The following DRC4 variants were observed in gnomAD, a reference collection of about 807,000 sequenced individuals.
The protein encoded by DRC4 is dynein regulatory complex subunit 4.
chr16:90,037,858 A>G, the DRC4 span: 1 of 1,612,344 alleles, frequency 6.2e-7, no homozygotes, highest in African/African-American at 1.3e-5. Flanking sequence ...GGTGAGTGGC[A>G]CCACGCTGGC....
At chr16:90,027,426 G>T in the DRC4 span, among the ~76,000 whole-genome samples, 1 of 152,174 alleles carries the variant, frequency 6.6e-6, no homozygotes, top group Non-Finnish European at 1.5e-5. Context: ...TTCTCAAAAG[G>T]AAGGTTTCTC....
At chr16:90,032,323 G>A in the DRC4 span, among the ~76,000 whole-genome samples, 11 of 151,198 alleles carry the variant, frequency 7.3e-5, no homozygotes, top group Admixed American at 7.2e-4. Flanking sequence ...TGGTGTGGGT[G>A]AGCAGGAGTG....
chr16:90,020,245 G>C, the DRC4 span: 1 of 438,876 alleles, frequency 2.3e-6, no homozygotes, highest in Non-Finnish European at 4.0e-6. Context: ...GGGAGGCTGA[G>C]GTGGGAGCAC....
At chr16:90,043,149 C>T in the DRC4 span, 13 of 1,574,548 alleles carry the variant, frequency 8.3e-6, no homozygotes, top group Non-Finnish European at 1.1e-5. Context: ...TCTGGTGGTC[C>T]TGAGCGTGGG....
the DRC4 span, chr16:90,035,938 T>A: frequency 7.1e-7 from 1 of 1,412,706 alleles, no homozygotes; most frequent in Non-Finnish European, 9.3e-7. Flanking sequence ...AAATCAGTAG[T>A]TATCAGCAGG....
the DRC4 span, chr16:90,027,649 A>G: frequency 5.0e-6 from 8 of 1,614,058 alleles, no homozygotes; most frequent in African/African-American, 1.3e-5. Flanking sequence ...CCGAAAAAGA[A>G]AGGGAAGAAA....
At chr16:90,020,289 C>G in the DRC4 span, 4 of 399,276 alleles carry the variant, frequency 1.0e-5, no homozygotes, top group Non-Finnish European at 1.3e-5. Flanking sequence ...CTGCCGTGAG[C>G]TATGATTGTA....
chr16:90,036,181 A>G, the DRC4 span: 1 of 601,628 alleles, frequency 1.7e-6, no homozygotes, highest in Non-Finnish European at 2.9e-6. Flanking sequence ...AGGCAGGCCG[A>G]CAGTGGTGTG....
At chr16:90,036,505 C>T in the DRC4 span, 1 of 1,613,860 alleles carries the variant, frequency 6.2e-7, no homozygotes, top group African/African-American at 1.3e-5. Flanking sequence ...TGATGCAGCG[C>T]CACGAGGAGG....
At chr16:90,044,494 G>A in the DRC4 span, 2 of 471,126 alleles carry the variant, frequency 4.2e-6, 1 homozygote, top group Non-Finnish European at 8.8e-6. Context: ...GCCCACTGGG[G>A]CTCTCACCTC....
chr16:90,032,765 C>T, the DRC4 span: 1 of 1,613,956 alleles, frequency 6.2e-7, no homozygotes, highest in Non-Finnish European at 8.5e-7. Context: ...ACCAGAACAA[C>T]CTGACAGAGA....
the DRC4 span, chr16:90,029,332 G>A: frequency 2.9e-6 from 4 of 1,359,028 alleles, no homozygotes; most frequent in Non-Finnish European, 3.9e-6. Flanking sequence ...CGCAGCAGAG[G>A]ACAGTTTCAT....
the DRC4 span, among the ~76,000 whole-genome samples, chr16:90,041,100 G>C: frequency 6.6e-6 from 1 of 152,202 alleles, no homozygotes; most frequent in Non-Finnish European, 1.5e-5. Flanking sequence ...CGTGTTTCCA[G>C]CTCCTGGCTG....
chr16:90,042,038 A>G, the DRC4 span, among the ~76,000 whole-genome samples: 1 of 151,900 alleles, frequency 6.6e-6, no homozygotes, highest in Non-Finnish European at 1.5e-5. Context: ...CCCAGGTTCA[A>G]GCAATTCTCA....
At chr16:90,037,836 G>A in the DRC4 span, 3 of 1,614,092 alleles carry the variant, frequency 1.9e-6, no homozygotes, top group African/African-American at 1.3e-5. Context: ...TGTTAGAGCA[G>A]CGATTCACCA....
chr16:90,043,353 C>G, the DRC4 span: 2,193 of 1,603,544 alleles, frequency 1.4e-3, 1 homozygote, highest in Non-Finnish European at 1.8e-3. Context: ...TAGCTGCCCC[C>G]CTGGGGGGCC....
At chr16:90,040,990 G>A in the DRC4 span, among the ~76,000 whole-genome samples, 1 of 152,142 alleles carries the variant, frequency 6.6e-6, no homozygotes, top group South Asian at 2.1e-4. Flanking sequence ...AGGCACTGTG[G>A]CCCCGGGACT....
At chr16:90,044,439 C>A in the DRC4 span, 3 of 463,594 alleles carry the variant, frequency 6.5e-6, no homozygotes, top group Admixed American at 4.8e-5. Flanking sequence ...GCCAGCAGGA[C>A]CTGGCCTGCA....
At chr16:90,028,566 G>T in the DRC4 span, among the ~76,000 whole-genome samples, 1 of 152,220 alleles carries the variant, frequency 6.6e-6, no homozygotes, top group Non-Finnish European at 1.5e-5. Flanking sequence ...GCTTATTTTG[G>T]GGAGGAGGTG....
Sources: gnomAD v4.1 joint callset for allele counts (sites outside exome capture counted in the v4.1 genomes callset) on GRCh38, gnomAD v4.1.1 for gene constraint, MANE v1.5 for transcripts, NCBI Gene and HGNC (gene_info 2026-07-23, HGNC 2026-07-21) for gene names.